Variants in SRGAP2B observed in about 807,000 individuals in gnomAD.
The protein encoded by SRGAP2B is SLIT-ROBO Rho GTPase activating protein 2B, also known as SLIT-ROBO Rho GTPase-activating protein 2B.
SRGAP2B carries 9 observed loss-of-function variants against 22.2 expected under a neutral mutation model. The ratio of observed to expected loss-of-function variants is 0.41; its 90% CI spans 0.24 to 0.71. The LOEUF is 0.71. SRGAP2B is among the 30% of genes least tolerant of loss of function. SRGAP2B has a pLI of 0.35. For missense variants in SRGAP2B, 114 were observed against 235.8 expected (o/e 0.48, Z 3.38); for synonymous variants, 36 against 87.4 (o/e 0.41, Z 3.28).
chr1:144,906,112 G>T, intron 5 of SRGAP2B, 38 bp from the exon 6 acceptor site: 1 of 709,390 alleles, frequency 1.4e-6, no homozygotes, highest in South Asian at 1.5e-5. Context: ...CAGAGGTCAA[G>T]CCAAGGGTGT....
At chr1:144,996,265 C>T (rs1256039998) in intron 2 of SRGAP2B, among the ~76,000 whole-genome samples, 1 of 149,358 alleles carries the variant, frequency 6.7e-6, no homozygotes, top group Non-Finnish European at 1.5e-5. Context: ...TCCCAATCCC[C>T]ATCTGAGTCA....
At chr1:145,013,863 G>A (rs1672229705) in intron 2 of SRGAP2B, among the ~76,000 whole-genome samples, 3 of 150,586 alleles carry the variant, frequency 2.0e-5, no homozygotes, top group Non-Finnish European at 2.9e-5. Context: ...TAGGGGTGAT[G>A]AGCTAATAAA....
At chr1:145,017,633 T>C (rs1672520031) in intron 2 of SRGAP2B, among the ~76,000 whole-genome samples, 1 of 145,670 alleles carries the variant, frequency 6.9e-6, no homozygotes, top group Non-Finnish European at 1.5e-5. Flanking sequence ...GCAATTTACA[T>C]CTGTCTTCCC....
rs587656207 is a variant in SRGAP2B, at chr1:144,955,291, A to C, written c.423+148T>G. 18 of 396,096 alleles carry C rather than the reference A, an allele frequency of 4.5e-5. No homozygotes were observed. In the East Asian group the frequency reaches 6.7e-4, roughly 15 times the overall value. 24.5% of individuals were successfully genotyped at this position (396,096 alleles called of 1,614,324 possible). The stretch of plus-strand genomic sequence containing the variant: ...TTAGGTTCAAGGGGGGTATATGTGC[A>C]AGTTTGTTACATGGGTAAATTGCAT... On this transcript the variant is annotated intron_variant, in intron 4 of 9. Coordinates refer to ENST00000612199, the Ensembl canonical transcript of SRGAP2B.
intron 3 of SRGAP2B, among the ~76,000 whole-genome samples, chr1:144,994,015 T>TA (rs1670464030): frequency 6.7e-6 from 1 of 149,972 alleles, no homozygotes; most frequent in African/African-American, 2.5e-5. Context: ...TAGCATATTT[T>TA]ATGGGTGGCC....
rs1651254828 is a variant in SRGAP2B at position 145,064,304 on chromosome 1, A to G, written c.67+28531T>C. ...GCCCACTGTTTACTAAGCTCCCCATAGTTCAAGAGGCCCCTGCAGGGGAAA... is the reference window on the plus strand; with the variant it reads ...GCCCACTGTTTACTAAGCTCCCCATGGTTCAAGAGGCCCCTGCAGGGGAAA... On this transcript the variant is annotated intron_variant, in intron 2 of 9. Transcript: ENST00000612199. Among the ~76,000 whole-genome samples, 4 of 147,900 alleles carry G rather than the reference A, an allele frequency of 2.7e-5. No homozygotes were observed. In the South Asian group the frequency reaches 8.4e-4, roughly 31 times the overall value.
At chr1:144,904,892 C>A (rs1364260241) in intron 7 of SRGAP2B, among the ~76,000 whole-genome samples, 199 bp downstream of exon 7, 3 of 103,138 alleles carry the variant, frequency 2.9e-5, no homozygotes, top group Non-Finnish European at 5.2e-5. Flanking sequence ...TGCCTTCCTC[C>A]CAGAATTCCA....
At chr1:144,912,099 C>T (rs1325618819) in intron 5 of SRGAP2B, among the ~76,000 whole-genome samples, 67 of 148,488 alleles carry the variant, frequency 4.5e-4, no homozygotes, top group South Asian at 1.7e-3. Context: ...TACAGGCACC[C>T]GCCACCATGC....
At chr1:144,901,075 C>T in intron 7 of SRGAP2B, among the ~76,000 whole-genome samples, 2 of 148,696 alleles carry the variant, frequency 1.3e-5, no homozygotes, top group African/African-American at 5.1e-5. Context: ...GTGAGCCTAC[C>T]GTTCTTAGAT....
At chr1:144,901,667 G>C (rs1437565339) in intron 7 of SRGAP2B, among the ~76,000 whole-genome samples, 1 of 144,764 alleles carries the variant, frequency 6.9e-6, no homozygotes, top group East Asian at 1.9e-4. Context: ...GGGACTGGCT[G>C]GGAAGAGACA....
intron 2 of SRGAP2B, among the ~76,000 whole-genome samples, chr1:144,998,669 G>T (rs1304584814): frequency 6.6e-6 from 1 of 150,888 alleles, no homozygotes; most frequent in Non-Finnish European, 1.5e-5. Context: ...AAGAAGAAAG[G>T]AAGCAGAAAG....
chr1:144,953,295 T>C (rs1667022959), intron 4 of SRGAP2B, among the ~76,000 whole-genome samples: 2 of 152,334 alleles, frequency 1.3e-5, no homozygotes, highest in Admixed American at 1.3e-4. Context: ...GTTGTTATCC[T>C]TGGGGATTTA....
intron 4 of SRGAP2B, among the ~76,000 whole-genome samples, chr1:144,925,663 A>G (rs1553347157): frequency 2.1e-5 from 3 of 144,834 alleles, no homozygotes; most frequent in Non-Finnish European, 3.0e-5. Flanking sequence ...AAGAAAGAAA[A>G]AAAAAGGACA....
chr1:145,044,697 A>G (rs1210793955), intron 2 of SRGAP2B, among the ~76,000 whole-genome samples: 15 of 131,382 alleles, frequency 1.1e-4, no homozygotes, highest in Admixed American at 1.6e-4. Flanking sequence ...AAAAAAAAAA[A>G]AAACAGAAAA....
chr1:144,927,377 G>A (rs1664813102), intron 4 of SRGAP2B, among the ~76,000 whole-genome samples: 1 of 150,618 alleles, frequency 6.6e-6, no homozygotes, highest in Non-Finnish European at 1.5e-5. Flanking sequence ...CAAGTCTGCT[G>A]GTGATATATT....
At chr1:144,930,800 C>T (rs868993220) in intron 4 of SRGAP2B, among the ~76,000 whole-genome samples, 2,340 of 148,018 alleles carry the variant, frequency 0.016, 83 homozygotes, top group African/African-American at 0.057. Context: ...CTTTTCATTC[C>T]TCCTGTCACT....
chr1:144,954,500 C>A (rs1408172094), intron 4 of SRGAP2B, among the ~76,000 whole-genome samples: 1 of 150,466 alleles, frequency 6.6e-6, no homozygotes, highest in Non-Finnish European at 1.5e-5. Context: ...CTACCTATAA[C>A]TTTTAGGAAG....
rs199594716 is a variant in SRGAP2B, at chr1:144,987,068, T to C, written c.260+7940A>G. On this transcript the variant is annotated intron_variant, in intron 3 of 9. Coordinates refer to ENST00000612199, the Ensembl canonical transcript of SRGAP2B. ...CTTTAATTTTTTTATCTCCCATCCA[T>C]TGAACTTGACCTCCCTAAAGCCCTC... 2.0e-4 allele frequency among the ~76,000 whole-genome samples: 30 copies of C among 151,966 alleles called. No homozygotes were observed. The East Asian group carries it at 5.8e-3, about 29-fold the overall frequency.
Position 144,911,917 on chromosome 1 carries a change from C to T in SRGAP2B, c.486+2775G>A, listed in dbSNP as rs1244105672. On this transcript the variant is annotated intron_variant, in intron 5 of 9. Transcript: ENST00000612199. The stretch of plus-strand genomic sequence containing the variant: ...TACGGGCATGAGCCACTGTGACCGG[C>T]TATTCTCTGAACTTTCTCTTTTTTT... Among the ~76,000 whole-genome samples, 20 of 134,190 alleles carry T rather than the reference C, an allele frequency of 1.5e-4. 1 individual carries two copies. The highest frequency in any genetic ancestry group is 5.9e-4 in the African/African-American group (20 of 33,662). 88.0% of individuals were successfully genotyped at this position (134,190 alleles called of 152,430 possible). A position where few individuals can be genotyped will look rare whatever the true frequency, so the allele number is the denominator to read the frequency against.
Sources: gnomAD v4.1 joint callset for allele counts (sites outside exome capture counted in the v4.1 genomes callset) on GRCh38, gnomAD v4.1.1 for gene constraint, MANE v1.5 for transcripts, NCBI Gene and HGNC (gene_info 2026-07-23, HGNC 2026-07-21) for gene names.